DMD: variants seen among roughly 807,000 people sequenced by gnomAD.
DMD encodes dystrophin.
In DMD, 63 loss-of-function variants were observed where a neutral mutation model predicts 330.1. The ratio of observed to expected loss-of-function variants is 0.19; its 90% confidence interval spans 0.16 to 0.24. The LOEUF (loss-of-function observed/expected upper bound fraction) is 0.24, where lower values mean the gene tolerates loss of function less well. Ranked by LOEUF, DMD falls within the 10% of genes least tolerant of loss-of-function variation. The pLI is 1.00. For synonymous variants in DMD, 1,223 were observed against 959.8 expected (o/e 1.27, Z -5.07); for missense variants, 3,344 against 2,684.1 (o/e 1.25, Z -5.43).
intron 47 of DMD, among the ~76,000 whole-genome samples, chrX:31,906,792 A>G (rs1470998837): frequency 8.9e-6 from 1 of 111,962 alleles, no homozygotes. Flanking sequence ...CAGTAAATCC[A>G]AACAATTTCC....
chrX:31,173,733 A>T, intron 71 of DMD, 129 bp from the exon 72 acceptor site: 1 of 475,156 alleles, frequency 2.1e-6, no homozygotes, highest in South Asian at 4.6e-5. Context: ...GTATACATTT[A>T]GTTGCTCCTA....
intron 9 of DMD, among the ~76,000 whole-genome samples, chrX:32,678,573 A>G (rs2062133524): frequency 9.1e-6 from 1 of 110,356 alleles, no homozygotes; most frequent in African/African-American, 3.3e-5. Flanking sequence ...GTATATTTTA[A>G]TCTCCTAAAA....
intron 1 of DMD, among the ~76,000 whole-genome samples, chrX:33,043,499 G>A (rs764757804): frequency 3.2e-4 from 35 of 110,569 alleles, no homozygotes; most frequent in African/African-American, 9.9e-4. Context: ...GTTTATAAGG[G>A]AATGATCTAT....
chrX:32,283,158 C>T (rs1431370931), intron 43 of DMD, among the ~76,000 whole-genome samples: 2 of 111,340 alleles, frequency 1.8e-5, no homozygotes, highest in South Asian at 7.6e-4. Context: ...AGACCTTAAT[C>T]CAACATGCAT....
intron 51 of DMD, among the ~76,000 whole-genome samples, chrX:31,748,686 T>C (rs1394708413): frequency 3.6e-5 from 4 of 112,048 alleles, no homozygotes; most frequent in Admixed American, 1.9e-4. Context: ...AATTATGTGC[T>C]AGATATTGTA....
intron 77 of DMD, 85 bp downstream of exon 77, chrX:31,134,017 A>T (rs1242955626): frequency 2.3e-6 from 2 of 859,390 alleles, no homozygotes. Context: ...TGGCTTCCAT[A>T]TGGAAAATAC....
At chrX:32,715,149 T>G (rs2065567745) in intron 7 of DMD, among the ~76,000 whole-genome samples, 1 of 111,257 alleles carries the variant, frequency 9.0e-6, no homozygotes, top group Non-Finnish European at 1.9e-5. Context: ...TCTCTCTATA[T>G]AGTTATACAC....
At chrX:32,838,414 A>T (rs1251034301) in intron 4 of DMD, among the ~76,000 whole-genome samples, 1 of 110,113 alleles carries the variant, frequency 9.1e-6, no homozygotes, top group Non-Finnish European at 1.9e-5. Context: ...ACCCTCTGAC[A>T]GGCCATGGTG....
intron 7 of DMD, among the ~76,000 whole-genome samples, chrX:32,798,900 G>A (rs1051268198): frequency 1.8e-5 from 2 of 111,228 alleles, no homozygotes; most frequent in African/African-American, 6.5e-5. Context: ...ATTTTAACCT[G>A]TGTAAACTTA....
chrX:31,551,566 T>C (rs929951961), intron 55 of DMD, among the ~76,000 whole-genome samples: 1 of 112,306 alleles, frequency 8.9e-6, no homozygotes, highest in Non-Finnish European at 1.9e-5. Flanking sequence ...AAGGATTTGA[T>C]TGGGTTTGCA....
chrX:33,127,864 A>T (rs1014011137), intron 1 of DMD, among the ~76,000 whole-genome samples: 1 of 111,638 alleles, frequency 9.0e-6, no homozygotes, highest in Admixed American at 9.5e-5. Context: ...GACAAAGTTC[A>T]TTAAAGCCAC....
chrX:31,638,282 C>A (rs1304608369), intron 54 of DMD, among the ~76,000 whole-genome samples: 1 of 111,624 alleles, frequency 9.0e-6, no homozygotes, highest in Non-Finnish European at 1.9e-5. Flanking sequence ...TGTCCAGACA[C>A]CCATTTGGCT....
chrX:31,880,413 G>A (rs1396210734), intron 47 of DMD, among the ~76,000 whole-genome samples: 1 of 111,188 alleles, frequency 9.0e-6, no homozygotes, highest in East Asian at 2.8e-4. Context: ...CTTTTAATGA[G>A]TAAAAAAAGG....
chrX:31,979,319 G>A (rs1420903540), intron 44 of DMD, among the ~76,000 whole-genome samples: 2 of 111,940 alleles, frequency 1.8e-5, no homozygotes, highest in African/African-American at 6.5e-5. Flanking sequence ...GCCTTCCAAA[G>A]TGCTAGGATC....
intron 7 of DMD, among the ~76,000 whole-genome samples, chrX:32,796,689 G>A (rs758733998): frequency 8.1e-5 from 9 of 111,655 alleles, no homozygotes; most frequent in South Asian, 7.5e-4. Flanking sequence ...CATTCAGTGC[G>A]TTTAACAAAA....
intron 53 of DMD, among the ~76,000 whole-genome samples, chrX:31,663,811 C>CA (rs2081268170): frequency 9.0e-6 from 1 of 111,332 alleles, no homozygotes; most frequent in South Asian, 3.8e-4. Context: ...TGCACTCTAT[C>CA]ATTTTCTTTC....
chrX:32,633,474 C>T (rs949878435), intron 11 of DMD, among the ~76,000 whole-genome samples: 2 of 111,828 alleles, frequency 1.8e-5, no homozygotes, highest in Non-Finnish European at 3.8e-5. Flanking sequence ...CAAATTTTCC[C>T]TCATCTGTCT....
intron 7 of DMD, among the ~76,000 whole-genome samples, chrX:32,717,704 C>A (rs1179091174): frequency 1.8e-5 from 2 of 110,937 alleles, no homozygotes; most frequent in East Asian, 2.9e-4. Context: ...GCACCATACA[C>A]CTGGAAAAGC....
chrX:32,281,529 G>C (rs1191865359), intron 43 of DMD, among the ~76,000 whole-genome samples: 1 of 111,763 alleles, frequency 8.9e-6, no homozygotes, highest in Non-Finnish European at 1.9e-5. Context: ...AATGCAAGCA[G>C]CATCCACATC....
Sources: allele counts gnomAD v4.1 joint callset (sites outside exome capture counted in the v4.1 genomes callset), GRCh38; gene constraint gnomAD v4.1.1; transcripts MANE v1.5; gene names NCBI Gene and HGNC (gene_info 2026-07-23, HGNC 2026-07-21).